SOX6: variants seen among roughly 807,000 people sequenced by gnomAD.
SOX6 encodes the protein transcription factor SOX-6.
Under a neutral mutation model 97.8 loss-of-function variants are expected in SOX6, and 11 were observed. That is an observed-to-expected ratio of 0.11 (90% CI 0.07 to 0.19). SOX6 has a LOEUF of 0.19. SOX6 is among the 10% of genes least tolerant of loss of function. The probability of loss-of-function intolerance (pLI) is 1.00; values close to 1 mark genes in which losing one functional copy is unlikely to be tolerated. For missense variants in SOX6, 810 were observed against 1,039.5 expected (o/e 0.78, Z 3.04); for synonymous variants, 360 against 371.4 (o/e 0.97, Z 0.35).
chr11:16,198,078 C>T (rs1423485229), intron 4 of SOX6, among the ~76,000 whole-genome samples: 4 of 151,008 alleles, frequency 2.6e-5, no homozygotes, highest in Non-Finnish European at 4.4e-5. Flanking sequence ...TTTGAGATGG[C>T]GTTTTGCACT....
At chr11:16,066,586 G>T (rs1848099378) in intron 9 of SOX6, among the ~76,000 whole-genome samples, 2 of 152,080 alleles carry the variant, frequency 1.3e-5, no homozygotes, top group South Asian at 4.2e-4. Context: ...AAATGAGATT[G>T]TCATTTGCAA....
chr11:16,661,299 T>A (rs990217402), intron 3 of SOX6, among the ~76,000 whole-genome samples: 2 of 152,228 alleles, frequency 1.3e-5, no homozygotes, highest in African/African-American at 4.8e-5. Context: ...GTACGGTATA[T>A]CTTTATCTCC....
intron 6 of SOX6, among the ~76,000 whole-genome samples, chr11:16,176,059 A>AGACG (rs879303702): frequency 0.01 from 1,321 of 125,942 alleles, 20 homozygotes; most frequent in African/African-American, 0.032. Flanking sequence ...ATGGACGGAC[A>AGACG]GACGGACGGA....
intron 4 of SOX6, among the ~76,000 whole-genome samples, chr11:16,196,654 T>C (rs948228678): frequency 6.6e-6 from 1 of 151,800 alleles, no homozygotes; most frequent in African/African-American, 2.4e-5. Flanking sequence ...CTCACTGTCA[T>C]ACTCTTTTTT....
At chr11:16,331,561 A>G (rs1481537005) in intron 2 of SOX6, among the ~76,000 whole-genome samples, 5 of 152,232 alleles carry the variant, frequency 3.3e-5, no homozygotes, top group Non-Finnish European at 7.3e-5. Context: ...ATGGTGGGCT[A>G]CCAAGAAACT....
At chr11:16,508,398 C>A (rs4756853) in intron 4 of SOX6, among the ~76,000 whole-genome samples, 14,786 of 152,180 alleles carry the variant, frequency 0.097, 833 homozygotes, top group Non-Finnish European at 0.13. Context: ...GAGATACCTA[C>A]ACCTCCATGT....
chr11:16,583,721 A>G (rs1010952559), intron 4 of SOX6, among the ~76,000 whole-genome samples: 3 of 150,100 alleles, frequency 2.0e-5, no homozygotes, highest in Non-Finnish European at 4.4e-5. Context: ...TGTAATAAAC[A>G]TAAGAGGGCA....
At chr11:16,285,906 A>G (rs1367203664) in intron 3 of SOX6, among the ~76,000 whole-genome samples, 2 of 152,134 alleles carry the variant, frequency 1.3e-5, no homozygotes, top group Non-Finnish European at 2.9e-5. Context: ...TATAATATAC[A>G]TTTGTTTGTA....
intron 4 of SOX6, among the ~76,000 whole-genome samples, chr11:16,585,248 G>T (rs976703980): frequency 6.6e-6 from 1 of 152,124 alleles, no homozygotes; most frequent in Non-Finnish European, 1.5e-5. Flanking sequence ...TTTGAATAAT[G>T]TACTCCTTAC....
intron 1 of SOX6, among the ~76,000 whole-genome samples, chr11:16,459,748 CTT>C (rs1264631512): frequency 1.3e-5 from 2 of 151,732 alleles, no homozygotes; most frequent in Non-Finnish European, 2.9e-5. Flanking sequence ...AACTTGAAGA[CTT>C]ATAAATAGAA....
intron 1 of SOX6, among the ~76,000 whole-genome samples, chr11:16,436,535 T>C (rs1159848810): frequency 6.6e-6 from 1 of 152,134 alleles, no homozygotes; most frequent in Non-Finnish European, 1.5e-5. Flanking sequence ...TTACACACAA[T>C]GTAATTTTGT....
intron 9 of SOX6, among the ~76,000 whole-genome samples, chr11:16,068,713 C>T (rs899181073): frequency 6.6e-6 from 1 of 152,162 alleles, no homozygotes; most frequent in Non-Finnish European, 1.5e-5. Context: ...CTTATTAAAA[C>T]TACCTGTCTG....
intron 3 of SOX6, among the ~76,000 whole-genome samples, chr11:16,625,872 A>G (rs750970543): frequency 2.0e-5 from 3 of 152,140 alleles, no homozygotes; most frequent in Non-Finnish European, 4.4e-5. Context: ...TTTATAATAA[A>G]CCAGTAATCT....
intron 2 of SOX6, among the ~76,000 whole-genome samples, chr11:16,734,056 A>G (rs1848372636): frequency 6.6e-6 from 1 of 151,718 alleles, no homozygotes; most frequent in Non-Finnish European, 1.5e-5. Context: ...GAAGATATAC[A>G]TCAACAACAA....
chr11:16,500,124 G>C (rs1377757197), intron 4 of SOX6, among the ~76,000 whole-genome samples: 1 of 152,138 alleles, frequency 6.6e-6, no homozygotes, highest in Non-Finnish European at 1.5e-5. Context: ...GATCAAGTGG[G>C]CTTCATCCCT....
intron 1 of SOX6, among the ~76,000 whole-genome samples, chr11:16,429,825 T>A (rs948597885): frequency 6.6e-6 from 1 of 152,030 alleles, no homozygotes; most frequent in Admixed American, 6.6e-5. Context: ...ATGTAAAAGT[T>A]AAAAATAAAT....
intron 4 of SOX6, among the ~76,000 whole-genome samples, chr11:16,200,282 C>T (rs1054254284): frequency 6.6e-6 from 1 of 152,162 alleles, no homozygotes; most frequent in African/African-American, 2.4e-5. Context: ...GTATTTTGTA[C>T]ACCCTTACTA....
At chr11:16,460,375 A>G (rs1859898236) in intron 1 of SOX6, among the ~76,000 whole-genome samples, 3 of 151,920 alleles carry the variant, frequency 2.0e-5, no homozygotes, top group Admixed American at 6.6e-5. Context: ...TTCCTTTTCT[A>G]TTTTGAATCC....
At chr11:16,062,321 C>A (rs1318117336) in intron 9 of SOX6, among the ~76,000 whole-genome samples, 1 of 151,542 alleles carries the variant, frequency 6.6e-6, no homozygotes, top group Non-Finnish European at 1.5e-5. Flanking sequence ...TAGAAAATTT[C>A]TTTGCAGACT....
Sources: allele counts gnomAD v4.1 joint callset (sites outside exome capture counted in the v4.1 genomes callset), GRCh38; gene constraint gnomAD v4.1.1; transcripts MANE v1.5; gene names NCBI Gene and HGNC (gene_info 2026-07-23, HGNC 2026-07-21).